The following ANK3 variants were observed in gnomAD, a reference collection of about 807,000 sequenced individuals.
ANK3 encodes the protein ankyrin 3.
A neutral mutation model predicts 370.9 loss-of-function variants in ANK3; 57 were observed. The ratio of observed to expected loss-of-function variants is 0.15; its 90% confidence interval spans 0.12 to 0.19. The LOEUF is 0.19. Ranked by LOEUF, ANK3 falls within the 10% of genes least tolerant of loss-of-function variation. The pLI is 1.00. For missense variants in ANK3, 4,439 were observed against 5,302.1 expected (o/e 0.84, Z 5.06); for synonymous variants, 1,929 against 1,946.3 (o/e 0.99, Z 0.23).
At chr10:60,543,713 A>C (rs1221801149) in intron 2 of ANK3, among the ~76,000 whole-genome samples, 1 of 152,024 alleles carries the variant, frequency 6.6e-6, no homozygotes, top group East Asian at 1.9e-4. Context: ...AATCTCATAA[A>C]ATTTAATCTA....
chr10:60,520,903 T>C (rs1257383341), intron 2 of ANK3, among the ~76,000 whole-genome samples: 2 of 151,588 alleles, frequency 1.3e-5, no homozygotes, highest in African/African-American at 4.8e-5. Flanking sequence ...TGCTCAAAAG[T>C]CCTAATCATT....
At chr10:60,321,181 G>A (rs942308321) in intron 1 of ANK3, among the ~76,000 whole-genome samples, 6 of 152,076 alleles carry the variant, frequency 3.9e-5, no homozygotes, top group African/African-American at 9.6e-5. Context: ...ACTTGAGCCC[G>A]GAGTTTGAGA....
rs1382978584 is a variant in ANK3 at position 60,074,986 on chromosome 10, A to G, written c.5895T>C (p.Asp1965=). The G allele has an allele frequency of 6.2e-7, 1 of 1,614,074 alleles. No individual in the cohort carries two copies. Residue 1965 remains aspartate, a synonymous_variant, in exon 37 of 44, where the codon GAT becomes GAC. Coordinates refer to ENST00000280772, the MANE Select transcript of ANK3 (RefSeq NM_020987.5). ...GTGATCCTTTATTATCTACACATAC[A>G]TCCTTTTTAAGGATTTCACTAACTT... ...LVKVSEILKK[D]VCVDNKGSPK...
intron 1 of ANK3, among the ~76,000 whole-genome samples, chr10:60,635,785 A>T (rs2078546568): frequency 6.6e-6 from 1 of 152,170 alleles, no homozygotes; most frequent in Non-Finnish European, 1.5e-5. Context: ...ATTATAACAC[A>T]CAGCCCCAGA....
At chr10:60,140,150 G>C in intron 23 of ANK3, 1 of 597,144 alleles carries the variant, frequency 1.7e-6, no homozygotes, top group Non-Finnish European at 2.9e-6. Context: ...CAAGAGCTCA[G>C]CTTTTAAACT....
intron 1 of ANK3, among the ~76,000 whole-genome samples, chr10:60,725,829 T>A (rs937295618): frequency 1.3e-5 from 2 of 152,180 alleles, no homozygotes; most frequent in African/African-American, 4.8e-5. Context: ...GATAAGTGAA[T>A]GAGCCTAAAG....
At position 60,569,133 on chromosome 10, in the gene ANK3, GC is replaced by G. The variant is rs2077531720; in HGVS notation, c.96+46052del. On this transcript the variant is annotated intron_variant, in intron 2 of 43. Transcript: ENST00000373827. Reference sequence around the variant, plus strand: ...TGTCACTTCCTACATTTTATTCTTGGCAGCTGGTTAAAATAAGCACTTCTGC... The same window carrying G: ...TGTCACTTCCTACATTTTATTCTTGGAGCTGGTTAAAATAAGCACTTCTGC... Among the ~76,000 whole-genome samples, 3 of 152,090 alleles carry G rather than the reference GC, an allele frequency of 2.0e-5. No homozygotes were observed. The South Asian group carries it at 6.2e-4, about 32-fold the overall frequency.
chr10:60,129,250 A>T (rs779700603), intron 25 of ANK3, among the ~76,000 whole-genome samples: 7 of 152,222 alleles, frequency 4.6e-5, no homozygotes, highest in African/African-American at 1.4e-4. Flanking sequence ...AACCCTTAAA[A>T]ATACATATGC....
In ANK3 at chr10:60,061,121, A is replaced by C. The variant is rs181477682; in HGVS notation, c.12596-1691T>G. 3.0e-3 allele frequency among the ~76,000 whole-genome samples: 458 copies of C among 152,352 alleles called. 16 individuals are homozygous for C. Among genetic ancestry groups the C allele is most frequent in the Admixed American group, 0.029 (437 of 15,298 alleles). ...AAAGTCTAATTTTTCCATCAGTCCC[A>C]GGTAAATACCAACTTAGCTGCTGTT... On this transcript the variant is annotated intron_variant, in intron 40 of 43. Transcript: ENST00000280772.
In ANK3 at chr10:60,055,667, A is replaced by C; in HGVS notation, c.13056T>G (p.Ser4352=). ...TGACCAGATGACGTACCTTTTGCTCAGACCCACTGGACCCCTCTTCTTCAT... is the reference window on the plus strand; with the variant it reads ...TGACCAGATGACGTACCTTTTGCTCCGACCCACTGGACCCCTCTTCTTCAT... ...SLHEEEGSSG[S]EQKQGEGFKV... is the part of the protein sequence containing the mutation. Residue 4352 remains serine, a synonymous_variant, in exon 42 of 44, where the codon TCT becomes TCG. Transcript: ENST00000280772. The C allele has an allele frequency of 6.2e-7, 1 of 1,607,712 alleles. No individual in the cohort carries two copies. Among genetic ancestry groups the C allele is most frequent in the African/African-American group, 1.3e-5 (1 of 74,438 alleles).
At chr10:60,051,199 C>T (rs1337348768) in intron 42 of ANK3, among the ~76,000 whole-genome samples, 1 of 152,166 alleles carries the variant, frequency 6.6e-6, no homozygotes, top group Non-Finnish European at 1.5e-5. Context: ...CATAACACTT[C>T]TTCAAGGAAA....
chr10:60,044,306 C>G (rs1473133690), intron 42 of ANK3: 1 of 984,388 alleles, frequency 1.0e-6, no homozygotes. Flanking sequence ...GTAAATTGTT[C>G]TTCTGTGACA....
chr10:60,476,472 G>T (rs1366114855), intron 2 of ANK3, among the ~76,000 whole-genome samples: 1 of 152,136 alleles, frequency 6.6e-6, no homozygotes, highest in Admixed American at 6.6e-5. Flanking sequence ...AAAGTAGGTA[G>T]AAACTATTTT....
chr10:60,566,899 A>G (rs899570764), intron 2 of ANK3, among the ~76,000 whole-genome samples: 1 of 151,924 alleles, frequency 6.6e-6, no homozygotes, highest in Non-Finnish European at 1.5e-5. Flanking sequence ...CAAAACAAAA[A>G]CCAGCCACAG....
intron 1 of ANK3, among the ~76,000 whole-genome samples, chr10:60,641,316 T>C (rs1406409444): frequency 6.6e-6 from 1 of 151,572 alleles, no homozygotes; most frequent in African/African-American, 2.4e-5. Flanking sequence ...AGAGCCCGCA[T>C]CGCCAAGTCA....
In ANK3 at chr10:60,530,821, G is replaced by A. The variant is rs1180695536; in HGVS notation, c.96+84365C>T. ...TGCTGTTTTGTGTGGTGGATGTGGG[G>A]GTTGGGTGGGGGACATATCCACCTG... is the stretch of plus-strand genomic sequence containing the variant. On this transcript the variant is annotated intron_variant, in intron 2 of 43. Coordinates refer to the ANK3 transcript ENST00000373827. 2.6e-5 allele frequency among the ~76,000 whole-genome samples: 4 copies of A among 152,096 alleles called. No homozygotes were observed. The South Asian group carries it at 8.3e-4, about 32-fold the overall frequency.
At chr10:60,533,998 C>G (rs1224601960) in intron 2 of ANK3, among the ~76,000 whole-genome samples, 1 of 152,002 alleles carries the variant, frequency 6.6e-6, no homozygotes, top group Non-Finnish European at 1.5e-5. Flanking sequence ...TTCTTCCTGC[C>G]CTGACACACC....
In ANK3 at chr10:60,469,071, A is replaced by G. The variant is rs1237416492; in HGVS notation, c.96+146115T>C. Among the ~76,000 whole-genome samples, 24 of 3,406 alleles carry G rather than the reference A, an allele frequency of 7.0e-3. 2 individuals are homozygous for G. Among genetic ancestry groups the G allele is most frequent in the African/African-American group, 9.8e-3 (23 of 2,348 alleles). 2.2% of individuals were successfully genotyped at this position (3,406 alleles called of 152,430 possible). A position where few individuals can be genotyped will look rare whatever the true frequency, so the allele number is the denominator to read the frequency against. ...TATATATATACCACTTTTAGTATAT[A>G]TATATATATATATATATATATATAC... On this transcript the variant is annotated intron_variant, in intron 2 of 43. Coordinates refer to the ANK3 transcript ENST00000373827.
At chr10:60,049,575 G>C (rs891021954) in intron 42 of ANK3, among the ~76,000 whole-genome samples, 4 of 152,106 alleles carry the variant, frequency 2.6e-5, no homozygotes, top group Non-Finnish European at 5.9e-5. Context: ...CACAGAGCAA[G>C]ACTCTGTCTC....
Sources: allele counts gnomAD v4.1 joint callset (sites outside exome capture counted in the v4.1 genomes callset), GRCh38; gene constraint gnomAD v4.1.1; transcripts MANE v1.5; gene names NCBI Gene and HGNC (gene_info 2026-07-23, HGNC 2026-07-21).